The following MIR2052HG variants were observed in gnomAD, a reference collection of about 807,000 sequenced individuals.
MIR2052HG encodes the protein MIR2052 host gene.
intron 4 of MIR2052HG, among the ~76,000 whole-genome samples, chr8:74,711,358 C>G (rs1809466275): frequency 6.6e-6 from 1 of 152,174 alleles, no homozygotes; most frequent in African/African-American, 2.4e-5. Flanking sequence ...ATACCCATTC[C>G]CTAACTCAAT....
intron 2 of MIR2052HG, among the ~76,000 whole-genome samples, chr8:74,673,872 A>G (rs1014267842): frequency 8.6e-6 from 1 of 116,060 alleles, no homozygotes; most frequent in African/African-American, 5.0e-5. Context: ...GTCACAATCA[A>G]CACAGTATTT....
intron 2 of MIR2052HG, among the ~76,000 whole-genome samples, chr8:74,700,273 C>T (rs1354273858): frequency 6.6e-6 from 1 of 152,146 alleles, no homozygotes; most frequent in African/African-American, 2.4e-5. Context: ...TGCTTATCAG[C>T]AAAGTATGCT....
At chr8:74,700,085 G>A (rs991245851) in intron 2 of MIR2052HG, among the ~76,000 whole-genome samples, 14 of 152,198 alleles carry the variant, frequency 9.2e-5, no homozygotes, top group Admixed American at 5.2e-4. Context: ...TGAGAGAACC[G>A]AAGTATACAT....
chr8:74,603,388 C>G (rs1808054647), intron 1 of MIR2052HG: 9 of 1,610,888 alleles, frequency 5.6e-6, no homozygotes, highest in Non-Finnish European at 7.6e-6. Context: ...GGTAACCTGC[C>G]TATCAGTAGA....
At chr8:74,627,749 C>A (rs1359295127) in intron 2 of MIR2052HG, among the ~76,000 whole-genome samples, 1 of 151,988 alleles carries the variant, frequency 6.6e-6, no homozygotes, top group Non-Finnish European at 1.5e-5. Flanking sequence ...TTTACACATG[C>A]CTGAATATTT....
chr8:74,694,357 A>T (rs570836242), intron 2 of MIR2052HG, among the ~76,000 whole-genome samples: 1 of 152,330 alleles, frequency 6.6e-6, no homozygotes, highest in East Asian at 1.9e-4. Context: ...TAATCTGAAC[A>T]GTAGCCTTTA....
At chr8:74,706,505 G>A (rs1809412540) in intron 4 of MIR2052HG, among the ~76,000 whole-genome samples, 1 of 152,004 alleles carries the variant, frequency 6.6e-6, no homozygotes. Context: ...GCGAAATTCA[G>A]GAGCTGCCAG....
At chr8:74,652,070 C>T (rs1439380904) in intron 2 of MIR2052HG, among the ~76,000 whole-genome samples, 2 of 152,168 alleles carry the variant, frequency 1.3e-5, no homozygotes, top group African/African-American at 2.4e-5. Flanking sequence ...TTTACTGGAA[C>T]CCCTGAAAGG....
chr8:74,702,512 T>C, intron 3 of MIR2052HG: 1 of 381,898 alleles, frequency 2.6e-6, no homozygotes, highest in South Asian at 1.9e-5. Flanking sequence ...CACATCCTAC[T>C]AGAATTGGGG....
chr8:74,682,412 A>AATAAC (rs766970184), intron 2 of MIR2052HG, among the ~76,000 whole-genome samples: 4 of 152,186 alleles, frequency 2.6e-5, no homozygotes, highest in Non-Finnish European at 5.9e-5. Context: ...AATTTGTATC[A>AATAAC]ATAACATATA....
chr8:74,704,534 C>A (rs1809389403), intron 4 of MIR2052HG, among the ~76,000 whole-genome samples: 1 of 152,062 alleles, frequency 6.6e-6, no homozygotes, highest in Non-Finnish European at 1.5e-5. Flanking sequence ...AGCCCTCAGA[C>A]TTTCCCCTTT....
intron 2 of MIR2052HG, among the ~76,000 whole-genome samples, chr8:74,689,711 CAGTAGCTTTCCACCT>C (rs1809219739): frequency 6.6e-6 from 1 of 152,176 alleles, no homozygotes; most frequent in Non-Finnish European, 1.5e-5. Flanking sequence ...CCCTGAATAT[CAGTAGCTTTCCACCT>C]AGTAGAAGAA....
intron 2 of MIR2052HG, among the ~76,000 whole-genome samples, chr8:74,692,275 G>A (rs1466998607): frequency 6.6e-6 from 1 of 152,158 alleles, no homozygotes; most frequent in African/African-American, 2.4e-5. Flanking sequence ...ATTTTTAGTA[G>A]AGATGAGGGT....
chr8:74,722,791 A>G (rs1308157721), intron 4 of MIR2052HG, among the ~76,000 whole-genome samples: 1 of 152,338 alleles, frequency 6.6e-6, no homozygotes, highest in East Asian at 1.9e-4. Context: ...ATTAATTACC[A>G]TTGTTACCTT....
intron 4 of MIR2052HG, among the ~76,000 whole-genome samples, chr8:74,716,056 G>A (rs563715770): frequency 6.6e-6 from 1 of 152,292 alleles, no homozygotes; most frequent in Admixed American, 6.5e-5. Flanking sequence ...GTAGGAGGAC[G>A]GGGAAGCAAG....
chr8:74,733,431 A>G (rs1252429684), intron 4 of MIR2052HG, among the ~76,000 whole-genome samples: 2 of 152,132 alleles, frequency 1.3e-5, no homozygotes, highest in Non-Finnish European at 2.9e-5. Context: ...TTATGGCTGC[A>G]TAGTATTCCA....
chr8:74,678,095 T>A (rs1296373138), intron 2 of MIR2052HG, among the ~76,000 whole-genome samples: 2 of 152,148 alleles, frequency 1.3e-5, no homozygotes, highest in African/African-American at 4.8e-5. Flanking sequence ...AATAAAAAGT[T>A]GGCTGAAGAG....
At chr8:74,631,311 A>T (rs1013231856) in intron 2 of MIR2052HG, among the ~76,000 whole-genome samples, 1 of 152,212 alleles carries the variant, frequency 6.6e-6, no homozygotes, top group Non-Finnish European at 1.5e-5. Context: ...ATCTTAAGAG[A>T]TTATTGCTAG....
intron 1 of MIR2052HG, among the ~76,000 whole-genome samples, chr8:74,609,160 T>C (rs1808154284): frequency 6.6e-6 from 1 of 151,952 alleles, no homozygotes; most frequent in Admixed American, 6.5e-5. Context: ...ATAACAAATA[T>C]TGTCTCTTAA....
Sources: gnomAD v4.1 joint callset for allele counts (sites outside exome capture counted in the v4.1 genomes callset) on GRCh38, gnomAD v4.1.1 for gene constraint, MANE v1.5 for transcripts, NCBI Gene and HGNC (gene_info 2026-07-23, HGNC 2026-07-21) for gene names.